The following ARHGEF2 variants were observed in gnomAD, a reference collection of about 807,000 sequenced individuals.
The protein encoded by ARHGEF2 is rho guanine nucleotide exchange factor 2.
ARHGEF2 carries 22 observed loss-of-function variants against 121.0 expected under a neutral mutation model. The observed-to-expected ratio is 0.18, with a 90% CI of 0.13 to 0.26. The LOEUF is 0.26. ARHGEF2 is among the 10% of genes least tolerant of loss of function. The pLI is 1.00. For missense variants in ARHGEF2, 907 were observed against 1,336.0 expected (o/e 0.68, Z 5.01); for synonymous variants, 487 against 530.0 (o/e 0.92, Z 1.11).
chr1:155,976,074 C>A (rs1681244411), intron 1 of ARHGEF2, among the ~76,000 whole-genome samples: 1 of 151,684 alleles, frequency 6.6e-6, no homozygotes, highest in Non-Finnish European at 1.5e-5. Context: ...CATTCCTCCT[C>A]CTAGGAGGAG....
intron 1 of ARHGEF2, chr1:155,972,221 CT>C (rs1473882520): frequency 2.1e-6 from 1 of 466,564 alleles, no homozygotes; most frequent in African/African-American, 2.0e-5. Flanking sequence ...CCCTGGTACT[CT>C]GGGCCCTGCC....
chr1:155,950,909 A>G lies in ARHGEF2; in HGVS notation c.2623T>C (p.Trp875Arg). The change falls in exon 20 of 22, where the codon TGG (tryptophan) becomes CGG (arginine). Residue 875 changes from tryptophan (W) to arginine (R), a missense_variant. This residue lies in a region of ARHGEF2 where 432 missense variants were observed against 559.5 expected (regional missense o/e 0.77). Coordinates refer to ENST00000361247, the MANE Select transcript of ARHGEF2 (RefSeq NM_001162383.2). The surrounding 1 kb of genome is among the most constrained non-coding windows in gnomAD (Gnocchi z 5.2). The part of the protein sequence containing the change: ...QTEPLPAEAP[W>R]ARRPVDPRRR... ...CGAGGATCCACAGGTCTGCGGGCCC[A>G]GGGGGCCTCAGCTGGGAGTGGCTCG... 1.3e-6 allele frequency: 2 copies of G among 1,598,422 alleles called. No individual in the cohort carries two copies. The highest frequency in any genetic ancestry group is 2.2e-5 in the South Asian group (2 of 89,674).
At chr1:155,974,865 G>A (rs796214057) in intron 1 of ARHGEF2, among the ~76,000 whole-genome samples, 38 of 151,692 alleles carry the variant, frequency 2.5e-4, no homozygotes, top group African/African-American at 7.5e-4. Flanking sequence ...GGGGGTAAGC[G>A]ATGCAAACAG....
chr1:155,957,956 T>TG, intron 12 of ARHGEF2, 74 bp from the exon 13 acceptor site: 1 of 1,476,856 alleles, frequency 6.8e-7, no homozygotes, highest in South Asian at 1.3e-5. Flanking sequence ...TCAATCCTTC[T>TG]GGACGAGGAC....
upstream of ARHGEF2, chr1:155,979,162 T>G (rs1558061217): frequency 4.1e-6 from 4 of 985,440 alleles, no homozygotes; most frequent in Non-Finnish European, 4.8e-6. Context: ...GAGAGAATTC[T>G]CCCACATGCC....
At chr1:155,957,921 C>T in intron 12 of ARHGEF2, 39 bp from the exon 13 acceptor site, 1 of 1,597,612 alleles carries the variant, frequency 6.3e-7, no homozygotes, top group Non-Finnish European at 8.5e-7. Flanking sequence ...GCCTGGGAAT[C>T]CTGTCCCTTG....
chr1:155,967,001 C>T (rs985893429), intron 2 of ARHGEF2, 114 bp from the exon 3 acceptor site: 29 of 961,246 alleles, frequency 3.0e-5, no homozygotes, highest in Admixed American at 9.6e-5. Flanking sequence ...GACTCTCCCC[C>T]CTTCCCCGAC....
At chr1:155,978,714 G>T, upstream of ARHGEF2, 1 of 832,692 alleles carries the variant, frequency 1.2e-6, no homozygotes, top group Non-Finnish European at 1.6e-6. This position sits in a 1 kb window ranked among gnomAD's most constrained non-coding sequence, Gnocchi z 4.1. Flanking sequence ...TCCTAGGACA[G>T]GTTTGAGAGG....
At chr1:155,954,283 T>TTC (rs1165464290) in intron 14 of ARHGEF2, among the ~76,000 whole-genome samples, 4 of 37,616 alleles carry the variant, frequency 1.1e-4, no homozygotes, top group South Asian at 2.7e-3. Context: ...AATCTACTTC[T>TTC]TTTTTTTTTT....
At chr1:155,954,282 C>CTTTTTT (rs544870775) in intron 14 of ARHGEF2, among the ~76,000 whole-genome samples, 15 of 108,500 alleles carry the variant, frequency 1.4e-4, no homozygotes, top group Non-Finnish European at 2.2e-4. Flanking sequence ...CAATCTACTT[C>CTTTTTT]TTTTTTTTTT....
rs1268521035 is a variant in ARHGEF2, at chr1:155,951,679, C to G, written c.2208+62G>C. The G allele has an allele frequency of 5.6e-6, 9 of 1,612,870 alleles. No homozygotes were observed. The highest frequency in any genetic ancestry group is 1.7e-6 in the Non-Finnish European group (2 of 1,179,024). ...TCCCCACCCCACTCCAAACTGGGCT[C>G]TAACTACTCAGACTAAGAACATCCT... On this transcript the variant is annotated intron_variant, in intron 18 of 21. Coordinates refer to ENST00000361247, the MANE Select transcript of ARHGEF2 (RefSeq NM_001162383.2). This position sits in a 1 kb window ranked among gnomAD's most constrained non-coding sequence, Gnocchi z 5.1.
intron 4 of ARHGEF2, among the ~76,000 whole-genome samples, chr1:155,966,045 G>A (rs1036972492): frequency 1.7e-4 from 26 of 152,162 alleles, no homozygotes; most frequent in African/African-American, 6.0e-4. Context: ...TGGCTAGGCA[G>A]GGACTGAGGC....
At chr1:155,971,457 T>TA (rs1437899890) in intron 1 of ARHGEF2, among the ~76,000 whole-genome samples, 1 of 151,596 alleles carries the variant, frequency 6.6e-6, no homozygotes, top group African/African-American at 2.4e-5. Flanking sequence ...CAGGCACCTG[T>TA]AATCCCAGCT....
chr1:155,965,883 A>G lies in ARHGEF2; in HGVS notation c.341-123T>C, dbSNP rs1022527238. On this transcript the variant is annotated intron_variant, in intron 4 of 21. Transcript: ENST00000361247. The surrounding 1 kb of genome is among the most constrained non-coding windows in gnomAD (Gnocchi z 6.0). The stretch of plus-strand genomic sequence containing the variant: ...CACTCCACCTCAGCCCCTCTAGTCA[A>G]GAAAGATGGTAATGAGAATGCCACC... 18 of 1,227,676 alleles carry G rather than the reference A, an allele frequency of 1.5e-5. No homozygotes were observed. The African/African-American group carries it at 2.6e-4, about 18-fold the overall frequency. The allele number at this position is 1,227,676 out of a possible 1,614,324, so 76.0% of individuals were successfully genotyped here.
Position 155,978,514 on chromosome 1 carries a change from C to A in ARHGEF2, c.-87G>T, listed in dbSNP as rs1681756746. 7.6e-7 allele frequency: 1 copy of A among 1,319,142 alleles called. No homozygotes were observed. Among genetic ancestry groups the A allele is most frequent in the African/African-American group, 1.5e-5 (1 of 65,608 alleles). The allele number at this position is 1,319,142 out of a possible 1,614,324, so 81.7% of individuals were successfully genotyped here. ...AAGGCGGGGGGAGGGGTTCGGCCCG[C>A]ACGCGTTGGTCTCGGGGACAGGAAG... On this transcript the variant is annotated 5_prime_UTR_variant, in exon 1 of 22. Transcript: ENST00000361247. This position sits in a 1 kb window ranked among gnomAD's most constrained non-coding sequence, Gnocchi z 4.1.
chr1:155,960,003 G>A (rs1677556316), intron 11 of ARHGEF2, among the ~76,000 whole-genome samples: 1 of 152,108 alleles, frequency 6.6e-6, no homozygotes, highest in Admixed American at 6.6e-5. Flanking sequence ...CTCTCGCAGA[G>A]GACTGAAAGA....
At chr1:155,954,003 C>T (rs1676075777) in intron 14 of ARHGEF2, among the ~76,000 whole-genome samples, 1 of 151,884 alleles carries the variant, frequency 6.6e-6, no homozygotes, top group Non-Finnish European at 1.5e-5. Context: ...TTGTTGTTAC[C>T]CAGACTGGAG....
At chr1:155,969,002 G>T in intron 2 of ARHGEF2, 154 bp downstream of exon 2, 1 of 865,360 alleles carries the variant, frequency 1.2e-6, no homozygotes, top group Non-Finnish European at 1.8e-6. Flanking sequence ...TGAGGACAGG[G>T]AGCAAGGGAT....
rs954882863 is a variant in ARHGEF2, at chr1:155,973,175, A to G, written c.64-3875T>C. Among the ~76,000 whole-genome samples the G allele has an allele frequency of 3.3e-5, 5 of 152,148 alleles. No individual in the cohort carries two copies. In the South Asian group the frequency reaches 1.0e-3, roughly 32 times the overall value. ...CATGTCTCAAAATGAAAGAAAAGGA[A>G]GGAAGCAAAGAAGCAAGGAAGGATG... On this transcript the variant is annotated intron_variant, in intron 1 of 21. Coordinates refer to ENST00000361247, the MANE Select transcript of ARHGEF2 (RefSeq NM_001162383.2).
Sources: allele counts gnomAD v4.1 joint callset (sites outside exome capture counted in the v4.1 genomes callset), GRCh38; gene constraint gnomAD v4.1.1; regional missense constraint gnomAD v4.1.1; non-coding constraint Gnocchi (gnomAD v3.1); transcripts MANE v1.5; gene names NCBI Gene and HGNC (gene_info 2026-07-23, HGNC 2026-07-21).